The following ARHGAP29 variants were observed in gnomAD, a reference collection of about 807,000 sequenced individuals.
ARHGAP29 encodes the protein Rho GTPase activating protein 29.
Under a neutral mutation model 122.6 loss-of-function variants are expected in ARHGAP29, and 43 were observed. The ratio of observed to expected loss-of-function variants is 0.35; its 90% CI spans 0.27 to 0.45. ARHGAP29 has a LOEUF of 0.45. Ranked by LOEUF, ARHGAP29 falls within the 20% of genes least tolerant of loss-of-function variation. The probability of loss-of-function intolerance (pLI) is 1.00; values close to 1 mark genes in which losing one functional copy is unlikely to be tolerated. For missense variants in ARHGAP29, 1,303 were observed against 1,477.2 expected (o/e 0.88, Z 1.93); for synonymous variants, 506 against 497.1 (o/e 1.02, Z -0.24).
chr1:94,185,835 A>G (rs114767109), intron 16 of ARHGAP29, among the ~76,000 whole-genome samples: 2,537 of 152,264 alleles, frequency 0.017, 75 homozygotes, highest in African/African-American at 0.058. Context: ...AAGCCCCTCT[A>G]AACAAAGAAA....
chr1:94,212,712 C>T (rs530319988), intron 3 of ARHGAP29, among the ~76,000 whole-genome samples: 1 of 152,252 alleles, frequency 6.6e-6, no homozygotes, highest in Admixed American at 6.5e-5. Context: ...CCTACCTGAG[C>T]GAAGTTATAG....
In ARHGAP29 at chr1:94,186,574, G is replaced by A. The variant is rs775470876; in HGVS notation, c.1705C>T (p.Arg569Ter). The change falls in exon 16 of 23, where the codon CGA (arginine) becomes TGA (stop). Residue 569 changes from arginine (R) to a stop codon, truncating the protein, a stop_gained. Coordinates refer to ENST00000260526, the MANE Select transcript of ARHGAP29 (RefSeq NM_004815.4). LOFTEE classifies it high-confidence loss of function. ...GACATAGTTCCACTGGATGGTGTTC[G>A]TGGAAGTTTTCGATGAAAGTCTCCT... ...SPGDFHRKLP[R>*]TPSSGTMSSA... 1 of 1,613,456 alleles carries A rather than the reference G, an allele frequency of 6.2e-7. No homozygotes were observed. The highest frequency in any genetic ancestry group is 1.3e-5 in the African/African-American group (1 of 74,980).
chr1:94,310,169 G>A, the ARHGAP29 span, among the ~76,000 whole-genome samples: 7 of 152,154 alleles, frequency 4.6e-5, no homozygotes, highest in South Asian at 2.1e-4. Context: ...ACAACTGCCC[G>A]AGTATGGGGT....
At chr1:94,290,781 TGA>T in the ARHGAP29 span, among the ~76,000 whole-genome samples, 2 of 152,234 alleles carry the variant, frequency 1.3e-5, no homozygotes, top group South Asian at 2.1e-4. Context: ...CACTGTGGTC[TGA>T]GAGAGAGTTT....
chr1:94,205,543 T>C (rs1651135620), intron 6 of ARHGAP29, 92 bp downstream of exon 6: 1 of 1,195,012 alleles, frequency 8.4e-7, no homozygotes, highest in African/African-American at 1.5e-5. Flanking sequence ...ATGAATACAC[T>C]AGGTTACTAA....
In ARHGAP29 at chr1:94,172,060, AG is replaced by A. The variant is rs1310438097; in HGVS notation, c.*1808del. The A allele has an allele frequency of 6.6e-6, 1 of 152,238 alleles. No individual in the cohort carries two copies. The highest frequency in any genetic ancestry group is 1.5e-5 in the Non-Finnish European group (1 of 68,044). The allele number at this position is 152,238 out of a possible 1,614,324, so 9.4% of individuals were successfully genotyped here. On this transcript the variant is annotated 3_prime_UTR_variant, in exon 23 of 23. Coordinates refer to ENST00000260526, the MANE Select transcript of ARHGAP29 (RefSeq NM_004815.4). ...GCATTTTCTATTGTTAAAAACTACC[AG>A]ATATTATTTAGTAATCACAGTCATT...
the ARHGAP29 span, among the ~76,000 whole-genome samples, chr1:94,285,704 G>C: frequency 6.6e-6 from 1 of 151,834 alleles, no homozygotes; most frequent in African/African-American, 2.4e-5. Flanking sequence ...GTGAAACCCA[G>C]TCTCTACTAA....
At chr1:94,294,194 G>A in the ARHGAP29 span, among the ~76,000 whole-genome samples, 1 of 152,176 alleles carries the variant, frequency 6.6e-6, no homozygotes, top group Admixed American at 6.5e-5. Flanking sequence ...CATTTAATTT[G>A]GAACATATTG....
the ARHGAP29 span, chr1:94,302,016 C>A: frequency 5.0e-6 from 1 of 201,266 alleles, no homozygotes; most frequent in South Asian, 9.5e-5. Context: ...TAGTGAGGCA[C>A]CAGCTATGTC....
chr1:94,193,164 T>C (rs776242511), intron 12 of ARHGAP29: 1 of 151,792 alleles, frequency 6.6e-6, no homozygotes, highest in African/African-American at 2.4e-5. Flanking sequence ...GAACAAAAAA[T>C]TTACTGGATG....
At chr1:94,308,046 T>C in the ARHGAP29 span, among the ~76,000 whole-genome samples, 1 of 152,220 alleles carries the variant, frequency 6.6e-6, no homozygotes, top group Non-Finnish European at 1.5e-5. Flanking sequence ...TTATCTTTAA[T>C]GGATTGCACG....
At chr1:94,190,133 T>A in intron 12 of ARHGAP29, 50 bp from the exon 13 acceptor site, 1 of 1,566,666 alleles carries the variant, frequency 6.4e-7, no homozygotes, top group Non-Finnish European at 8.7e-7. Flanking sequence ...TACAGAATGC[T>A]ATATAAACAT....
intron 12 of ARHGAP29, chr1:94,190,371 TAGG>T (rs1650062677): frequency 3.9e-6 from 1 of 256,720 alleles, no homozygotes; most frequent in African/African-American, 2.2e-5. Flanking sequence ...TTCATAATTT[TAGG>T]AGATGGATGT....
At chr1:94,291,848 T>A in the ARHGAP29 span, among the ~76,000 whole-genome samples, 1 of 152,234 alleles carries the variant, frequency 6.6e-6, no homozygotes, top group African/African-American at 2.4e-5. Flanking sequence ...CTTCCCTTTG[T>A]GGGTAACCCA....
At chr1:94,308,245 C>G in the ARHGAP29 span, among the ~76,000 whole-genome samples, 1 of 152,084 alleles carries the variant, frequency 6.6e-6, no homozygotes, top group South Asian at 2.1e-4. Flanking sequence ...ACCTCCTCTC[C>G]CCTTCCACAC....
intron 1 of ARHGAP29, among the ~76,000 whole-genome samples, chr1:94,268,990 G>T (rs1485525989): frequency 6.6e-6 from 1 of 152,026 alleles, no homozygotes; most frequent in Non-Finnish European, 1.5e-5. Context: ...ATGTAAGAAG[G>T]TTATATTTTT....
At chr1:94,228,521 G>A (rs1652744130) in intron 2 of ARHGAP29, among the ~76,000 whole-genome samples, 1 of 151,746 alleles carries the variant, frequency 6.6e-6, no homozygotes, top group Non-Finnish European at 1.5e-5. Context: ...AGCTTTTGCT[G>A]CCATCCTTTA....
the ARHGAP29 span, among the ~76,000 whole-genome samples, chr1:94,303,935 T>C: frequency 6.6e-6 from 1 of 152,228 alleles, no homozygotes; most frequent in Admixed American, 6.5e-5. Flanking sequence ...ATGTTAAGCT[T>C]CTGCCTAACA....
At chr1:94,252,437 TAC>T in intron 1 of ARHGAP29, among the ~76,000 whole-genome samples, 1 of 152,302 alleles carries the variant, frequency 6.6e-6, no homozygotes, top group Admixed American at 6.5e-5. Flanking sequence ...AAAGGATAGT[TAC>T]AGTGTCGGCT....
Sources: gnomAD v4.1 joint callset for allele counts (sites outside exome capture counted in the v4.1 genomes callset) on GRCh38, gnomAD v4.1.1 for gene constraint, MANE v1.5 for transcripts, NCBI Gene and HGNC (gene_info 2026-07-23, HGNC 2026-07-21) for gene names.